PCDH11Y: variants seen among roughly 807,000 people sequenced by gnomAD.
PCDH11Y encodes the protein protocadherin 11 Y-linked.
For synonymous variants in PCDH11Y, 9 were observed against 83.6 expected (o/e 0.11, Z 4.87); for missense variants, 12 against 224.8 (o/e 0.05, Z 6.05).
chrY:5,731,883 C>T, intron 4 of PCDH11Y, among the ~76,000 whole-genome samples: 1 of 31,853 alleles, frequency 3.1e-5, no homozygotes, highest in African/African-American at 1.2e-4. Flanking sequence ...GAATTGAACA[C>T]TTAACCATTA....
intron 4 of PCDH11Y, among the ~76,000 whole-genome samples, chrY:5,613,811 G>A: frequency 6.3e-5 from 2 of 31,897 alleles, no homozygotes; most frequent in Non-Finnish European, 1.5e-4. Flanking sequence ...TTTTTAGGCC[G>A]GCACCACTGT....
intron 1 of PCDH11Y, among the ~76,000 whole-genome samples, chrY:5,068,542 C>CTG (rs3067360): frequency 0.065 from 1,413 of 21,613 alleles, no homozygotes; most frequent in Middle Eastern, 0.16. Context: ...TTTGTGTCCT[C>CTG]TGTGTGTGTG....
intron 2 of PCDH11Y, among the ~76,000 whole-genome samples, chrY:5,248,232 C>G: frequency 4.3e-5 from 1 of 23,217 alleles, no homozygotes; most frequent in African/African-American, 1.7e-4. Context: ...TTTTATGAGG[C>G]CAACATCATC....
chrY:5,598,576 C>A, intron 4 of PCDH11Y, among the ~76,000 whole-genome samples: 9 of 32,933 alleles, frequency 2.7e-4, no homozygotes, highest in African/African-American at 1.1e-3. Context: ...AGCAATCTAT[C>A]TGAGTCGATG....
chrY:5,287,460 C>T, intron 2 of PCDH11Y, among the ~76,000 whole-genome samples: 3 of 33,152 alleles, frequency 9.0e-5, no homozygotes, highest in Admixed American at 8.3e-4. Context: ...ACTAAAAAGA[C>T]ACATGCACAA....
chrY:5,397,496 A>T, intron 2 of PCDH11Y, among the ~76,000 whole-genome samples: 1 of 31,948 alleles, frequency 3.1e-5, no homozygotes, highest in African/African-American at 1.2e-4. Flanking sequence ...AAAAGCATAT[A>T]TCCTCTTCTT....
chrY:5,179,620 G>A (rs35059889), intron 2 of PCDH11Y, among the ~76,000 whole-genome samples: 5 of 33,624 alleles, frequency 1.5e-4, no homozygotes, highest in Non-Finnish European at 3.0e-4. Context: ...AAGCTCTTTC[G>A]TTTAATTAGA....
intron 3 of PCDH11Y, among the ~76,000 whole-genome samples, chrY:5,556,143 G>A: frequency 4.0e-5 from 1 of 25,056 alleles, no homozygotes; most frequent in Non-Finnish European, 9.3e-5. Context: ...TCACACAGTG[G>A]CTGAATTACT....
chrY:5,161,113 C>G, intron 2 of PCDH11Y, among the ~76,000 whole-genome samples: 1 of 31,657 alleles, frequency 3.2e-5, no homozygotes. Context: ...ATAATCTATT[C>G]TGATATGCAG....
intron 4 of PCDH11Y, among the ~76,000 whole-genome samples, chrY:5,655,395 GT>G (rs2053535083): frequency 3.1e-5 from 1 of 32,054 alleles, no homozygotes. Context: ...TCTTTCTTCA[GT>G]TTGGTCTATT....
chrY:5,052,035 C>G, upstream of PCDH11Y, among the ~76,000 whole-genome samples: 1 of 32,341 alleles, frequency 3.1e-5, no homozygotes, highest in Non-Finnish European at 7.5e-5. Flanking sequence ...CAAGAACTAC[C>G]TTATTGTTTA....
At chrY:5,262,239 G>C (rs1287813731) in intron 2 of PCDH11Y, among the ~76,000 whole-genome samples, 2,236 of 32,177 alleles carry the variant, frequency 0.069, no homozygotes, top group Non-Finnish European at 0.11. Context: ...ATTCCTATTT[G>C]TTCACAGCCT....
intron 2 of PCDH11Y, among the ~76,000 whole-genome samples, chrY:5,267,715 T>C: frequency 3.0e-5 from 1 of 33,145 alleles, no homozygotes. Context: ...TTTCAAAAAT[T>C]AAATATTGCC....
chrY:5,704,597 T>A, intron 4 of PCDH11Y, among the ~76,000 whole-genome samples: 1 of 30,237 alleles, frequency 3.3e-5, no homozygotes, highest in Non-Finnish European at 7.9e-5. Flanking sequence ...GCCTAGCTAA[T>A]TTTTTGTATT....
chrY:5,040,290 C>G (rs2124622814), intron 3 of PCDH11Y, among the ~76,000 whole-genome samples: 3 of 32,608 alleles, frequency 9.2e-5, no homozygotes, highest in African/African-American at 3.6e-4. Context: ...AGTGATCTGT[C>G]TACACATGCA....
intron 2 of PCDH11Y, among the ~76,000 whole-genome samples, chrY:5,326,889 A>T: frequency 9.1e-5 from 3 of 33,105 alleles, no homozygotes; most frequent in Non-Finnish European, 2.2e-4. Context: ...CGCAGACATG[A>T]GGGCTAGGCT....
At chrY:5,319,146 C>T in intron 2 of PCDH11Y, among the ~76,000 whole-genome samples, 18 of 32,829 alleles carry the variant, frequency 5.5e-4, no homozygotes, top group Admixed American at 5.1e-3. Context: ...ATTTCTCCCT[C>T]ATTTTATACA....
intron 2 of PCDH11Y, among the ~76,000 whole-genome samples, chrY:5,362,938 T>A: frequency 9.3e-5 from 3 of 32,295 alleles, no homozygotes; most frequent in African/African-American, 3.6e-4. Flanking sequence ...AACTGGCATG[T>A]CCTCAGTTTT....
intron 2 of PCDH11Y, among the ~76,000 whole-genome samples, chrY:5,462,482 GTCTA>G (rs2053304534): frequency 3.1e-5 from 1 of 32,473 alleles, no homozygotes; most frequent in East Asian, 8.2e-4. Flanking sequence ...TCTCATCCTG[GTCTA>G]TCTGACTCCC....
Sources: allele counts gnomAD v4.1 joint callset (sites outside exome capture counted in the v4.1 genomes callset), GRCh38; gene constraint gnomAD v4.1.1; transcripts MANE v1.5; gene names NCBI Gene and HGNC (gene_info 2026-07-23, HGNC 2026-07-21).